PTPRS: variants seen among roughly 807,000 people sequenced by gnomAD.
The protein encoded by PTPRS is receptor-type tyrosine-protein phosphatase S.
A neutral mutation model predicts 215.3 loss-of-function variants in PTPRS; 63 were observed. The ratio of observed to expected loss-of-function variants is 0.29; its 90% CI spans 0.24 to 0.36. The LOEUF is 0.36. PTPRS is among the 10% of genes least tolerant of loss of function. The pLI, the probability that PTPRS is intolerant of heterozygous loss-of-function variation, is 1.00. For missense variants in PTPRS, 2,258 were observed against 2,825.8 expected (o/e 0.80, Z 4.56); for synonymous variants, 1,404 against 1,191.4 (o/e 1.18, Z -3.68).
intron 13 of PTPRS, among the ~76,000 whole-genome samples, chr19:5,233,651 A>G (rs1044065064): frequency 2.0e-5 from 3 of 150,912 alleles, no homozygotes; most frequent in Non-Finnish European, 4.4e-5. Flanking sequence ...GAATAATAGC[A>G]TAAGAATCTC....
rs2041502269 is a variant in PTPRS at position 5,216,754 on chromosome 19, C to T, written c.4062G>A (p.Arg1354=). Residue 1354 remains arginine, a synonymous_variant, in exon 26 of 38, where the codon AGG becomes AGA. Transcript: ENST00000262963. ...GAAACCCCGGCTCCCTGAGGGGGCTCCTGAGGCCTGAATCTGCAAACAGCA... is the reference window on the plus strand; with the variant it reads ...GAAACCCCGGCTCCCTGAGGGGGCTTCTGAGGCCTGAATCTGCAAACAGCA... ...INFQTPDSGL[R]SPLREPGFHF... The T allele has an allele frequency of 1.3e-6, 2 of 1,574,828 alleles. No homozygotes were observed. Among genetic ancestry groups the T allele is most frequent in the Non-Finnish European group, 1.7e-6 (2 of 1,158,996 alleles).
chr19:5,333,009 TGTG>T (rs1286464153), intron 1 of PTPRS, among the ~76,000 whole-genome samples: 1 of 151,600 alleles, frequency 6.6e-6, no homozygotes, highest in Non-Finnish European at 1.5e-5. Flanking sequence ...ATTAGCCAGA[TGTG>T]GTGGCGGGTG....
At chr19:5,303,301 C>T (rs2147102469) in intron 1 of PTPRS, among the ~76,000 whole-genome samples, 1 of 152,244 alleles carries the variant, frequency 6.6e-6, no homozygotes, top group Admixed American at 6.5e-5. Context: ...GAGGCACAAA[C>T]CAGGGAGGTC....
At position 5,229,358 on chromosome 19, in the gene PTPRS, G is replaced by A; in HGVS notation, c.2350-16C>T. Reference sequence around the variant, plus strand: ...CCGTCTCCCACTGAGCGCGGGAGGAGGCGGCAGGGGAGAGAGGAGGAAGGT... The same window carrying A: ...CCGTCTCCCACTGAGCGCGGGAGGAAGCGGCAGGGGAGAGAGGAGGAAGGT... On this transcript the variant is annotated splice_polypyrimidine_tract_variant and intron_variant, in intron 15 of 37. Transcript: ENST00000262963. 1.5e-6 allele frequency: 2 copies of A among 1,375,064 alleles called. No homozygotes were observed. Among genetic ancestry groups the A allele is most frequent in the Non-Finnish European group, 1.9e-6 (2 of 1,059,002 alleles). 85.2% of individuals were successfully genotyped at this position (1,375,064 alleles called of 1,614,324 possible). A position where few individuals can be genotyped will look rare whatever the true frequency, so the allele number is the denominator to read the frequency against.
At chr19:5,314,282 T>TGAGA (rs2049803923) in intron 1 of PTPRS, among the ~76,000 whole-genome samples, 1 of 152,202 alleles carries the variant, frequency 6.6e-6, no homozygotes, top group Non-Finnish European at 1.5e-5. Context: ...ATCAACCTTC[T>TGAGA]GAGTCATGCT....
intron 1 of PTPRS, among the ~76,000 whole-genome samples, chr19:5,322,657 AT>A (rs1217401123): frequency 1.3e-5 from 2 of 152,072 alleles, no homozygotes; most frequent in African/African-American, 2.4e-5. Context: ...AGGCGGGCGG[AT>A]CACCTGAGGC....
rs201314883 is a variant in PTPRS at position 5,246,083 on chromosome 19, C to T, written c.719-38G>A. ...CGGCAGTGGCGGCGGGAGGGAGATG[C>T]GAGGGGTGAGGTGGGGTGAGGTTGG... On this transcript the variant is annotated intron_variant, in intron 9 of 37. Transcript: ENST00000262963. 3.8e-3 allele frequency: 4,240 copies of T among 1,119,838 alleles called. 12 individuals are homozygous for T. Among genetic ancestry groups the T allele is most frequent in the Non-Finnish European group, 4.6e-3 (4,016 of 881,318 alleles). The allele number at this position is 1,119,838 out of a possible 1,614,324, so 69.4% of individuals were successfully genotyped here.
At chr19:5,334,962 T>C (rs866746230) in intron 1 of PTPRS, among the ~76,000 whole-genome samples, 1 of 152,080 alleles carries the variant, frequency 6.6e-6, no homozygotes, top group African/African-American at 2.4e-5. Context: ...GCTGTTATTA[T>C]CCCCCCGACA....
In PTPRS at chr19:5,273,597, G is replaced by A. The variant is rs369354249; in HGVS notation, c.238-14C>T. The A allele has an allele frequency of 2.2e-5, 35 of 1,613,720 alleles. No individual in the cohort carries two copies. In the Middle Eastern group the frequency reaches 4.9e-4, roughly 23 times the overall value. The stretch of plus-strand genomic sequence containing the variant: ...AAACTCAATCGTCTGCCATGGGCAG[G>A]GGAAAAAAGAACAGAGTGAGGCTGG... On this transcript the variant is annotated splice_polypyrimidine_tract_variant and intron_variant, in intron 3 of 37. Coordinates refer to ENST00000262963, the MANE Select transcript of PTPRS (RefSeq NM_002850.4).
chr19:5,229,685 C>A lies in PTPRS; in HGVS notation c.2156-1G>T. 1 of 868,310 alleles carries A rather than the reference C, an allele frequency of 1.2e-6. No individual in the cohort carries two copies. Among genetic ancestry groups the A allele is most frequent in the Non-Finnish European group, 1.5e-6 (1 of 672,844 alleles). 53.8% of individuals were successfully genotyped at this position (868,310 alleles called of 1,614,324 possible). The stretch of plus-strand genomic sequence containing the variant: ...ACCTTCCGCGGCGGCGCGCTGGGCA[C>A]TGGCGGGCGGGAGGGGAGGGGAGGG... On this transcript the variant is annotated splice_acceptor_variant, in intron 14 of 37. Coordinates refer to ENST00000262963, the MANE Select transcript of PTPRS (RefSeq NM_002850.4). LOFTEE classifies it high-confidence loss of function.
intron 4 of PTPRS, 83 bp downstream of exon 4, chr19:5,273,359 G>C (rs779295939): frequency 1.4e-5 from 23 of 1,596,906 alleles, no homozygotes; most frequent in Non-Finnish European, 1.9e-5. Flanking sequence ...AGGGTTTGGG[G>C]TAACTTTCAT....
chr19:5,214,304 G>A, intron 30 of PTPRS, 57 bp downstream of exon 30: 4 of 1,611,254 alleles, frequency 2.5e-6, no homozygotes, highest in South Asian at 2.2e-5. Context: ...GGGGCCCTCT[G>A]CCTCCCTTCC....
Position 5,222,930 on chromosome 19 carries a change from C to G in PTPRS, c.2862G>C (p.Val954=), listed in dbSNP as rs1212269176. Residue 954 remains valine (V), a synonymous_variant, in exon 18 of 38, where the codon GTG becomes GTC. Transcript: ENST00000262963. ...CGATGGCCCCGTTGCGCTCGGCGGG[C>G]ACGGGTGGCAGCCAGCGGAGAAGGA... ...GTVLLRWLPP[V]PAERNGAIVK... is the part of the protein sequence containing the mutation. 9 of 1,558,694 alleles carry G rather than the reference C, an allele frequency of 5.8e-6. No individual in the cohort carries two copies. The highest frequency in any genetic ancestry group is 7.8e-6 in the Non-Finnish European group (9 of 1,159,736).
At chr19:5,230,691 A>G (rs560399342) in intron 14 of PTPRS, among the ~76,000 whole-genome samples, 24 of 152,128 alleles carry the variant, frequency 1.6e-4, no homozygotes, top group South Asian at 1.2e-3. Context: ...AAACTCCGAG[A>G]CTCATATGAT....
At position 5,223,272 on chromosome 19, in the gene PTPRS, C is replaced by T. The variant is rs778800993; in HGVS notation, c.2520G>A (p.Val840=). 3.4e-6 allele frequency: 5 copies of T among 1,469,588 alleles called. No individual in the cohort carries two copies. In the South Asian group the frequency reaches 7.1e-5, roughly 21 times the overall value. The allele number at this position is 1,469,588 out of a possible 1,614,324, so 91.0% of individuals were successfully genotyped here. ...GAVLGRPTLS[V]QQTPEGSLLA... ...GCAGGCTGCCCTCGGGGGTCTGCTG[C>T]ACCGACAGGGTTGGGCGGCCCAGCA... Residue 840 remains valine (V), a synonymous_variant, in exon 18 of 38, where the codon GTG becomes GTA. Coordinates refer to ENST00000262963, the MANE Select transcript of PTPRS (RefSeq NM_002850.4).
chr19:5,331,797 C>T (rs893703610), intron 1 of PTPRS, among the ~76,000 whole-genome samples: 2 of 152,208 alleles, frequency 1.3e-5, no homozygotes, highest in Non-Finnish European at 2.9e-5. Context: ...CGGCTTCCTT[C>T]TACGCAGTAT....
intron 1 of PTPRS, among the ~76,000 whole-genome samples, chr19:5,303,887 G>C (rs974670451): frequency 2.2e-5 from 3 of 139,222 alleles, no homozygotes; most frequent in Non-Finnish European, 3.0e-5. Flanking sequence ...GGATACGGAG[G>C]TTACTGTGAG....
At position 5,293,833 on chromosome 19, in the gene PTPRS, C is replaced by T. The variant is rs1018451700; in HGVS notation, c.-94-7599G>A. On this transcript the variant is annotated intron_variant, in intron 1 of 37. Coordinates refer to ENST00000262963, the MANE Select transcript of PTPRS (RefSeq NM_002850.4). The surrounding 1 kb of genome is among the most constrained non-coding windows in gnomAD (Gnocchi z 8.4). ...GGACACCGTGGCAGAGGCCCCCACC[C>T]TCGCCACAAGCCTGAGGAGGGGGCG... is the stretch of plus-strand genomic sequence containing the variant. Among the ~76,000 whole-genome samples, 2 of 152,098 alleles carry T rather than the reference C, an allele frequency of 1.3e-5. No homozygotes were observed. The highest frequency in any genetic ancestry group is 2.4e-5 in the African/African-American group (1 of 41,418).
rs2047534765 is a variant in PTPRS, at chr19:5,278,035, G to C, written c.92-3691C>G. 4 of 1,197,552 alleles carry C rather than the reference G, an allele frequency of 3.3e-6. No individual in the cohort carries two copies. The South Asian group carries it at 5.1e-5, about 15-fold the overall frequency. 74.2% of individuals were successfully genotyped at this position (1,197,552 alleles called of 1,614,324 possible). On this transcript the variant is annotated intron_variant, in intron 2 of 37. Transcript: ENST00000262963. Reference sequence around the variant, plus strand: ...TCTCCCTGTGCTGAGATCGCTCACAGTGTTTCCTCCAAGAAACGCAAAACC... The same window carrying C: ...TCTCCCTGTGCTGAGATCGCTCACACTGTTTCCTCCAAGAAACGCAAAACC...
Sources: allele counts gnomAD v4.1 joint callset (sites outside exome capture counted in the v4.1 genomes callset), GRCh38; gene constraint gnomAD v4.1.1; non-coding constraint Gnocchi (gnomAD v3.1); transcripts MANE v1.5; gene names NCBI Gene and HGNC (gene_info 2026-07-23, HGNC 2026-07-21).